The following ARHGDIG variants were observed in gnomAD, a reference collection of about 807,000 sequenced individuals.
The protein encoded by ARHGDIG is Rho GDP dissociation inhibitor gamma, also known as rho GDP-dissociation inhibitor 3.
Under a neutral mutation model 20.2 loss-of-function variants are expected in ARHGDIG, and 14 were observed. The ratio of observed to expected loss-of-function variants is 0.69; its 90% CI spans 0.46 to 1.08. ARHGDIG has a LOEUF of 1.08. ARHGDIG is among the 50% of genes least tolerant of loss of function. The pLI, the probability that ARHGDIG is intolerant of heterozygous loss-of-function variation, is 0.00. For synonymous variants in ARHGDIG, 193 were observed against 138.6 expected (o/e 1.39, Z -2.76); for missense variants, 311 against 301.8 (o/e 1.03, Z -0.23).
At position 282,958 on chromosome 16, in the gene ARHGDIG, C is replaced by T; in HGVS notation, c.*144C>T. Reference sequence around the variant, plus strand: ...CCTGCTCTGTCCCGGGACCCCCTGGCCTGGCGCTGTCCCCTGAGCTGTCCC... The same window carrying T: ...CCTGCTCTGTCCCGGGACCCCCTGGTCTGGCGCTGTCCCCTGAGCTGTCCC... On this transcript the variant is annotated 3_prime_UTR_variant, in exon 6 of 6. Coordinates refer to ENST00000219409, the MANE Select transcript of ARHGDIG (RefSeq NM_001176.4). 1 of 961,876 alleles carries T rather than the reference C, an allele frequency of 1.0e-6. No homozygotes were observed. The highest frequency in any genetic ancestry group is 1.5e-6 in the Non-Finnish European group (1 of 678,268). The allele number at this position is 961,876 out of a possible 1,614,324, so 59.6% of individuals were successfully genotyped here.
Position 280,642 on chromosome 16 carries a change from CTCCT to C in ARHGDIG, c.-38_-35del. ...GGGGCGGCGGCGGGGCGGGCGGCGG[CTCCT>C]CGGCGGCTCCGCGGCGCCCGGGCCG... is the stretch of plus-strand genomic sequence containing the variant. On this transcript the variant is annotated 5_prime_UTR_variant, in exon 1 of 6. Coordinates refer to ENST00000219409, the MANE Select transcript of ARHGDIG (RefSeq NM_001176.4). The surrounding 1 kb of genome is among the most constrained non-coding windows in gnomAD (Gnocchi z 6.6). 1 of 865,300 alleles carries C rather than the reference CTCCT, an allele frequency of 1.2e-6. No individual in the cohort carries two copies. Among genetic ancestry groups the C allele is most frequent in the Non-Finnish European group, 1.3e-6 (1 of 760,436 alleles). The allele number at this position is 865,300 out of a possible 1,614,324, so 53.6% of individuals were successfully genotyped here. A position where few individuals can be genotyped will look rare whatever the true frequency, so the allele number is the denominator to read the frequency against.
At chr16:282,558 C>CGGGGGGGGGCAGGGGGGGGGGGAGGGGGG (rs61572786) in intron 5 of ARHGDIG, 28 bp downstream of exon 5, 1 of 1,295,646 alleles carries the variant, frequency 7.7e-7, no homozygotes, top group Non-Finnish European at 1.0e-6. Flanking sequence ...GGGAACGGGG[C>CGGGGGGGGGCAGGGGGGGGGGGAGGGGGG]GGGGGGGGGA....
At position 280,833 on chromosome 16, in the gene ARHGDIG, T is replaced by G. The variant is rs2052275603; in HGVS notation, c.73+80T>G. 1 of 980,036 alleles carries G rather than the reference T, an allele frequency of 1.0e-6. No individual in the cohort carries two copies. The allele number at this position is 980,036 out of a possible 1,614,324, so 60.7% of individuals were successfully genotyped here. On this transcript the variant is annotated intron_variant, in intron 1 of 5. Transcript: ENST00000219409. The surrounding 1 kb of genome is among the most constrained non-coding windows in gnomAD (Gnocchi z 6.6). Reference sequence around the variant, plus strand: ...AGTAGCCCCTCCCCCGCGGCAACTTTGGGGGCGCGCATGGGGACCTCGCGG... The same window carrying G: ...AGTAGCCCCTCCCCCGCGGCAACTTGGGGGGCGCGCATGGGGACCTCGCGG...
intron 1 of ARHGDIG, chr16:281,521 G>A: frequency 3.8e-6 from 2 of 523,912 alleles, no homozygotes; most frequent in South Asian, 3.0e-5. Context: ...CAGAGGAGCT[G>A]CAGGCCTGGC....
chr16:282,202 G>T (rs907191509), intron 3 of ARHGDIG, 94 bp downstream of exon 3: 15 of 1,603,054 alleles, frequency 9.4e-6, no homozygotes. Context: ...CATCACAGTC[G>T]CACACCTCAT....
chr16:282,147 C>T (rs1160883678), intron 3 of ARHGDIG, 39 bp downstream of exon 3: 4 of 1,611,038 alleles, frequency 2.5e-6, no homozygotes, highest in Non-Finnish European at 3.4e-6. Context: ...ACAGGTAGGG[C>T]CCTCCCAGGC....
At position 281,767 on chromosome 16, in the gene ARHGDIG, G is replaced by C; in HGVS notation, c.95G>C (p.Gly32Ala). Residue 32 changes from glycine to alanine, a missense_variant, in exon 2 of 6, where the codon GGT becomes GCT. Physicochemically the swap from Gly to Ala is moderately conservative, Grantham distance 60 (BLOSUM62 0). Transcript: ENST00000219409. ...CCAGTCCTCCTGGCTGACAAGGAGG[G>C]TGGGCCGCCGGCAGTGGACGAGGTG... ...CARVLLADKE[G>A]GPPAVDEVLD... 6.2e-7 allele frequency: 1 copy of C among 1,601,280 alleles called. No homozygotes were observed. Among genetic ancestry groups the C allele is most frequent in the Non-Finnish European group, 8.5e-7 (1 of 1,174,264 alleles).
At position 282,973 on chromosome 16, in the gene ARHGDIG, T is replaced by C. The variant is rs1021671977; in HGVS notation, c.*159T>C. 16 of 929,034 alleles carry C rather than the reference T, an allele frequency of 1.7e-5. No homozygotes were observed. The highest frequency in any genetic ancestry group is 2.5e-5 in the Non-Finnish European group (16 of 649,274). The allele number at this position is 929,034 out of a possible 1,614,324, so 57.5% of individuals were successfully genotyped here. A position where few individuals can be genotyped will look rare whatever the true frequency, so the allele number is the denominator to read the frequency against. ...GACCCCCTGGCCTGGCGCTGTCCCC[T>C]GAGCTGTCCCATTAAACATGGCCCT... On this transcript the variant is annotated 3_prime_UTR_variant, in exon 6 of 6. Coordinates refer to ENST00000219409, the MANE Select transcript of ARHGDIG (RefSeq NM_001176.4).
Position 282,136 on chromosome 16 carries a change from C to T in ARHGDIG, c.337+28C>T, listed in dbSNP as rs759146295. 8.1e-6 allele frequency: 13 copies of T among 1,612,264 alleles called. No homozygotes were observed. The Admixed American group carries it at 1.3e-4, about 17-fold the overall frequency. On this transcript the variant is annotated intron_variant, in intron 3 of 5. Transcript: ENST00000219409. ...AACTCGCAGGATGCTGCACCCTGAA[C>T]ACAGGTAGGGCCCTCCCAGGCACGC...
intron 1 of ARHGDIG, chr16:281,463 G>C (rs366509): frequency 2.5e-6 from 1 of 404,484 alleles, no homozygotes; most frequent in Non-Finnish European, 4.5e-6. Context: ...TCGCTCCCCC[G>C]CCCTTTGGTC....
Position 280,902 on chromosome 16 carries a change from TC to T in ARHGDIG, c.73+151del. The T allele has an allele frequency of 5.9e-6, 2 of 336,150 alleles. No homozygotes were observed. Among genetic ancestry groups the T allele is most frequent in the Non-Finnish European group, 9.8e-6 (2 of 203,972 alleles). 20.8% of individuals were successfully genotyped at this position (336,150 alleles called of 1,614,324 possible). A position where few individuals can be genotyped will look rare whatever the true frequency, so the allele number is the denominator to read the frequency against. On this transcript the variant is annotated intron_variant, in intron 1 of 5. Transcript: ENST00000219409. The surrounding 1 kb of genome is among the most constrained non-coding windows in gnomAD (Gnocchi z 6.6). ...GGTCTGGCAGGGGTGGGGGACTTCA[TC>T]CAGGCTCCAGCCCTGTGGGGAAGGG... is the stretch of plus-strand genomic sequence containing the variant.
rs777046495 is a variant in ARHGDIG, at chr16:281,918, G to A, written c.246G>A (p.Pro82=). 19 of 1,604,858 alleles carry A rather than the reference G, an allele frequency of 1.2e-5. No homozygotes were observed. The highest frequency in any genetic ancestry group is 8.0e-5 in the African/African-American group (6 of 74,764). The part of the protein sequence containing the change: ...YKRVLLGPLP[P]AVDPSLPNVQ... The stretch of plus-strand genomic sequence containing the variant: ...GGGTGCTGCTGGGGCCCCTGCCACC[G>A]GCCGTGGGTATGGCAGGGGTCTAGG... The change falls in exon 2 of 6, where the codon CCG becomes CCA. Residue 82 remains proline, a synonymous_variant. Transcript: ENST00000219409.
Position 282,357 on chromosome 16 carries a change from T to C in ARHGDIG, c.398T>C (p.Val133Ala). ...FVLKEGVDYR[V>A]KISFKVHREI... The stretch of plus-strand genomic sequence containing the variant: ...CTGAAGGAAGGTGTTGATTACAGAG[T>C]GAAGATCTCCTTCAAGGTGAGAGCC... Residue 133 changes from valine to alanine, a missense_variant, in exon 4 of 6, where the codon GTG (valine) becomes GCG (alanine). Val to Ala is a moderately conservative substitution (Grantham distance 64). Coordinates refer to ENST00000219409, the MANE Select transcript of ARHGDIG (RefSeq NM_001176.4). 6.2e-7 allele frequency: 1 copy of C among 1,611,356 alleles called. No individual in the cohort carries two copies. Among genetic ancestry groups the C allele is most frequent in the Non-Finnish European group, 8.5e-7 (1 of 1,179,568 alleles).
In ARHGDIG at chr16:282,406, G is replaced by T. The variant is rs1219975988; in HGVS notation, c.414+33G>T. 4.3e-6 allele frequency: 7 copies of T among 1,612,086 alleles called. No individual in the cohort carries two copies. In the African/African-American group the frequency reaches 9.3e-5, roughly 21 times the overall value. Reference sequence around the variant, plus strand: ...CCGGGGCAATGGGCGGAGGGGATGGGGGTGGGGGCAACAGCCAGAGGCCTG... The same window carrying T: ...CCGGGGCAATGGGCGGAGGGGATGGTGGTGGGGGCAACAGCCAGAGGCCTG... On this transcript the variant is annotated intron_variant, in intron 4 of 5. Transcript: ENST00000219409.
At chr16:281,638 A>C in intron 1 of ARHGDIG, 108 bp from the exon 2 acceptor site, 1 of 1,277,876 alleles carries the variant, frequency 7.8e-7, no homozygotes, top group Non-Finnish European at 1.1e-6. Flanking sequence ...GCTTCCCTTG[A>C]GTCCCTTTGG....
At position 280,834 on chromosome 16, in the gene ARHGDIG, G is replaced by A. The variant is rs1376030749; in HGVS notation, c.73+81G>A. On this transcript the variant is annotated intron_variant, in intron 1 of 5. Transcript: ENST00000219409. This position sits in a 1 kb window ranked among gnomAD's most constrained non-coding sequence, Gnocchi z 6.6. Reference sequence around the variant, plus strand: ...GTAGCCCCTCCCCCGCGGCAACTTTGGGGGCGCGCATGGGGACCTCGCGGC... The same window carrying A: ...GTAGCCCCTCCCCCGCGGCAACTTTAGGGGCGCGCATGGGGACCTCGCGGC... The A allele has an allele frequency of 3.0e-6, 3 of 989,400 alleles. No individual in the cohort carries two copies. Among genetic ancestry groups the A allele is most frequent in the Non-Finnish European group, 3.8e-6 (3 of 791,982 alleles). The allele number at this position is 989,400 out of a possible 1,614,324, so 61.3% of individuals were successfully genotyped here.
chr16:282,995 CCCT>C lies in ARHGDIG; in HGVS notation c.*182_*184del. 3.6e-6 allele frequency: 3 copies of C among 840,492 alleles called. No homozygotes were observed. Among genetic ancestry groups the C allele is most frequent in the Non-Finnish European group, 5.0e-6 (3 of 601,946 alleles). 52.1% of individuals were successfully genotyped at this position (840,492 alleles called of 1,614,324 possible). A position where few individuals can be genotyped will look rare whatever the true frequency, so the allele number is the denominator to read the frequency against. ...CCCTGAGCTGTCCCATTAAACATGG[CCCT>C]GTCTCTCTCGGTGCCCTGGGTGTCG... is the stretch of plus-strand genomic sequence containing the variant. On this transcript the variant is annotated 3_prime_UTR_variant, in exon 6 of 6. Coordinates refer to ENST00000219409, the MANE Select transcript of ARHGDIG (RefSeq NM_001176.4).
At chr16:281,958 T>C (rs750036782) in intron 2 of ARHGDIG, 33 bp downstream of exon 2, 2 of 1,575,322 alleles carry the variant, frequency 1.3e-6, no homozygotes, top group Admixed American at 1.7e-5. Context: ...GAGGGCTGGG[T>C]CTGGGGGGCT....
chr16:282,720 C>G lies in ARHGDIG; in HGVS notation c.584C>G (p.Pro195Arg), dbSNP rs1291927506. 6.2e-7 allele frequency: 1 copy of G among 1,605,008 alleles called. No homozygotes were observed. Among genetic ancestry groups the G allele is most frequent in the Admixed American group, 1.7e-5 (1 of 59,140 alleles). ...CCGAGGGGTGCGCTGGTGCGGGGCC[C>G]CTATCTGGTGGTGTCCCTCTTCACC... ...EAPRGALVRG[P>R]YLVVSLFTDD... Residue 195 changes from proline (P) to arginine (R), a missense_variant, in exon 6 of 6, where the codon CCC becomes CGC. By Grantham distance (103) the Pro-to-Arg change is moderately radical. Coordinates refer to ENST00000219409, the MANE Select transcript of ARHGDIG (RefSeq NM_001176.4).
Sources: gnomAD v4.1 joint callset for allele counts on GRCh38, gnomAD v4.1.1 for gene constraint, Gnocchi (gnomAD v3.1) non-coding constraint, MANE v1.5 for transcripts, NCBI Gene and HGNC (gene_info 2026-07-23, HGNC 2026-07-21) for gene names.